PITPNC1: variants seen among roughly 807,000 people sequenced by gnomAD.
PITPNC1 encodes the protein phosphatidylinositol transfer protein cytoplasmic 1, also known as cytoplasmic phosphatidylinositol transfer protein 1.
Under a neutral mutation model 44.7 loss-of-function variants are expected in PITPNC1, and 18 were observed. The observed-to-expected ratio is 0.40, with a 90% confidence interval of 0.28 to 0.60. The LOEUF (loss-of-function observed/expected upper bound fraction) is 0.60, where lower values mean the gene tolerates loss of function less well. Among genes scored for constraint, PITPNC1 ranks in the 20% least tolerant of loss-of-function variants. The pLI, the probability that PITPNC1 is intolerant of heterozygous loss-of-function variation, is 0.39. For missense variants in PITPNC1, 290 were observed against 418.4 expected, an observed-to-expected ratio of 0.69 and a Z score of 2.68; for synonymous variants, 141 against 149.6, an observed-to-expected ratio of 0.94 and a Z score of 0.42.
At chr17:67,652,241 G>A (rs749789497) in intron 6 of PITPNC1, among the ~76,000 whole-genome samples, 1 of 152,192 alleles carries the variant, frequency 6.6e-6, no homozygotes, top group Non-Finnish European at 1.5e-5. Context: ...CCTCCAAGAT[G>A]CAAGCTCAGC....
intron 1 of PITPNC1, among the ~76,000 whole-genome samples, chr17:67,465,650 A>AT (rs140775815): frequency 6.6e-6 from 1 of 152,232 alleles, no homozygotes; most frequent in African/African-American, 2.4e-5. Context: ...ATAAGGTGGA[A>AT]TAGGGAAATG....
chr17:67,562,540 T>A (rs926994482), intron 4 of PITPNC1, among the ~76,000 whole-genome samples: 1 of 150,448 alleles, frequency 6.6e-6, no homozygotes, highest in African/African-American at 2.5e-5. Flanking sequence ...AAAAGTCTAC[T>A]TTTTTTTTCC....
At chr17:67,588,090 A>G (rs906640699) in intron 5 of PITPNC1, among the ~76,000 whole-genome samples, 6 of 152,038 alleles carry the variant, frequency 3.9e-5, no homozygotes, top group Non-Finnish European at 7.4e-5. Flanking sequence ...TACAATCTCT[A>G]CCTCTCAGGT....
intron 1 of PITPNC1, among the ~76,000 whole-genome samples, chr17:67,411,456 G>C (rs2038495295): frequency 6.6e-6 from 1 of 152,148 alleles, no homozygotes; most frequent in East Asian, 1.9e-4. Flanking sequence ...GAGGTGAGCA[G>C]CCTGCCTGGT....
chr17:67,642,325 G>A (rs1398035806), intron 6 of PITPNC1, among the ~76,000 whole-genome samples: 4 of 152,144 alleles, frequency 2.6e-5, no homozygotes, highest in African/African-American at 9.7e-5. Context: ...CGTGCAAGGG[G>A]ACTCTACCTG....
chr17:67,555,712 C>A (rs901454539), intron 4 of PITPNC1, among the ~76,000 whole-genome samples: 46 of 148,712 alleles, frequency 3.1e-4, no homozygotes, highest in African/African-American at 1.0e-3. Flanking sequence ...GGTGTGGTGG[C>A]GGGCGCCTAT....
At chr17:67,590,953 CAA>C (rs200548431) in intron 5 of PITPNC1, among the ~76,000 whole-genome samples, 7 of 123,322 alleles carry the variant, frequency 5.7e-5, no homozygotes, top group Admixed American at 8.6e-5. Flanking sequence ...AACTCTGTCT[CAA>C]AAAAAAAAAA....
intron 1 of PITPNC1, among the ~76,000 whole-genome samples, chr17:67,526,558 G>A (rs1437600973): frequency 6.6e-6 from 1 of 151,710 alleles, no homozygotes. Flanking sequence ...GTGAAACCCC[G>A]TTTCTACTAA....
At chr17:67,633,540 C>A (rs1420521017) in intron 6 of PITPNC1, among the ~76,000 whole-genome samples, 1 of 152,222 alleles carries the variant, frequency 6.6e-6, no homozygotes, top group Non-Finnish European at 1.5e-5. Context: ...CATCTCCACC[C>A]AAAGGGTGAG....
At chr17:67,472,333 A>T (rs958516003) in intron 1 of PITPNC1, among the ~76,000 whole-genome samples, 2 of 6,484 alleles carry the variant, frequency 3.1e-4, no homozygotes, top group African/African-American at 2.4e-3. Flanking sequence ...CTGTTGAGCT[A>T]AAAAAAAAAA....
Position 67,625,978 on chromosome 17 carries a change from T to G in PITPNC1, c.367-6165T>G, listed in dbSNP as rs560991303. Among the ~76,000 whole-genome samples the G allele has an allele frequency of 5.4e-4, 77 of 142,010 alleles. No homozygotes were observed. In the East Asian group the frequency reaches 7.6e-3, roughly 14 times the overall value. 93.2% of individuals were successfully genotyped at this position (142,010 alleles called of 152,430 possible). A position where few individuals can be genotyped will look rare whatever the true frequency, so the allele number is the denominator to read the frequency against. ...AGACTAAGTTGTGGTTTGTTTGTTG[T>G]TTTTTTTTTTGGTTTTGGTTTTTTT... On this transcript the variant is annotated intron_variant, in intron 5 of 8. Transcript: ENST00000581322.
intron 1 of PITPNC1, chr17:67,379,341 T>C (rs377668759): frequency 3.0e-6 from 3 of 985,284 alleles, no homozygotes; most frequent in East Asian, 1.1e-4. Flanking sequence ...ACTGAGAACA[T>C]GGCTGAGCTC....
intron 1 of PITPNC1, among the ~76,000 whole-genome samples, chr17:67,423,824 A>C (rs1888720731): frequency 6.6e-6 from 1 of 152,196 alleles, no homozygotes; most frequent in Non-Finnish European, 1.5e-5. Context: ...CCCAGGTCCC[A>C]CAGTGGAGAG....
rs2042363487 is a variant in PITPNC1, at chr17:67,662,478, GT to G, written c.463-7023del. ...AGAAGAAAGTGGTGTATAATTCAAC[GT>G]TTTTTTCATATACTTATCTAGTTGT... On this transcript the variant is annotated intron_variant, in intron 6 of 8. Coordinates refer to ENST00000581322, the MANE Select transcript of PITPNC1 (RefSeq NM_012417.4). Among the ~76,000 whole-genome samples, 3 of 151,936 alleles carry G rather than the reference GT, an allele frequency of 2.0e-5. No individual in the cohort carries two copies. The South Asian group carries it at 6.2e-4, about 32-fold the overall frequency.
At chr17:67,466,923 T>C (rs1046212521) in intron 1 of PITPNC1, among the ~76,000 whole-genome samples, 4 of 152,162 alleles carry the variant, frequency 2.6e-5, no homozygotes, top group African/African-American at 9.7e-5. Flanking sequence ...AAGACTATGT[T>C]CCTGCTATTA....
intron 5 of PITPNC1, among the ~76,000 whole-genome samples, chr17:67,608,541 A>G (rs1322682106): frequency 7.0e-6 from 1 of 142,606 alleles, no homozygotes; most frequent in Non-Finnish European, 1.5e-5. Flanking sequence ...CCCAGTCTGG[A>G]GTGCAATGGT....
At chr17:67,444,252 C>G (rs574122000) in intron 1 of PITPNC1, among the ~76,000 whole-genome samples, 2 of 151,946 alleles carry the variant, frequency 1.3e-5, no homozygotes, top group African/African-American at 4.8e-5. Flanking sequence ...GCAAACTCAC[C>G]ATGAACCTGG....
At chr17:67,473,123 G>T (rs993238303) in intron 1 of PITPNC1, among the ~76,000 whole-genome samples, 1 of 152,060 alleles carries the variant, frequency 6.6e-6, no homozygotes, top group Non-Finnish European at 1.5e-5. Context: ...TGATCCACCC[G>T]CCTTGGCCTC....
intron 1 of PITPNC1, among the ~76,000 whole-genome samples, chr17:67,427,862 CTT>C (rs1598649086): frequency 6.6e-6 from 1 of 152,320 alleles, no homozygotes; most frequent in East Asian, 1.9e-4. Context: ...AATTCCAACT[CTT>C]GATATGATCA....
Sources: gnomAD v4.1 joint callset for allele counts (sites outside exome capture counted in the v4.1 genomes callset) on GRCh38, gnomAD v4.1.1 for gene constraint, MANE v1.5 for transcripts, NCBI Gene and HGNC (gene_info 2026-07-23, HGNC 2026-07-21) for gene names.